Variants in PRELID2 observed in about 807,000 individuals in gnomAD.
PRELID2 encodes the protein PRELI domain containing 2, also known as PRELI domain-containing protein 2.
A neutral mutation model predicts 28.4 loss-of-function variants in PRELID2; 25 were observed. The ratio of observed to expected loss-of-function variants is 0.88; its 90% CI spans 0.64 to 1.23. PRELID2 has a LOEUF of 1.23. PRELID2 is among the 50% of genes most tolerant of loss of function. The pLI is 0.00. For synonymous variants in PRELID2, 76 were observed against 71.6 expected (o/e 1.06, Z -0.31); for missense variants, 201 against 214.4 (o/e 0.94, Z 0.39).
At chr5:145,740,477 A>T (rs1756640276) in intron 1 of PRELID2, among the ~76,000 whole-genome samples, 1 of 139,146 alleles carries the variant, frequency 7.2e-6, no homozygotes. Context: ...ACCAACTAGG[A>T]TATAGAAGAA....
At chr5:145,480,506 T>TA (rs1399420705) in intron 1 of PRELID2, among the ~76,000 whole-genome samples, 1 of 152,190 alleles carries the variant, frequency 6.6e-6, no homozygotes, top group Non-Finnish European at 1.5e-5. Context: ...GTAAATAAAA[T>TA]AATTAAATAT....
intron 1 of PRELID2, among the ~76,000 whole-genome samples, chr5:145,616,011 TG>T (rs1753693234): frequency 6.6e-6 from 1 of 152,212 alleles, no homozygotes. Flanking sequence ...TTATTTTCAC[TG>T]GATACAAAAT....
the PRELID2 span, among the ~76,000 whole-genome samples, chr5:145,399,485 C>A: frequency 3.8e-4 from 58 of 152,224 alleles, no homozygotes; most frequent in African/African-American, 1.3e-3. Context: ...GTCACTCCAT[C>A]CAGAATCTTC....
the PRELID2 span, among the ~76,000 whole-genome samples, chr5:145,436,303 A>T: frequency 2.0e-5 from 3 of 152,184 alleles, no homozygotes; most frequent in African/African-American, 7.2e-5. Context: ...CAATGTATAC[A>T]GGTATCACAT....
intron 1 of PRELID2, among the ~76,000 whole-genome samples, chr5:145,636,367 T>A (rs1208653268): frequency 1.3e-5 from 2 of 152,220 alleles, no homozygotes; most frequent in Non-Finnish European, 2.9e-5. Flanking sequence ...TGACAAGCAT[T>A]ATCCAAGCTT....
the PRELID2 span, among the ~76,000 whole-genome samples, chr5:145,260,258 TTAAAG>T: frequency 6.6e-6 from 1 of 152,112 alleles, no homozygotes; most frequent in African/African-American, 2.4e-5. Flanking sequence ...AGGTATTTCT[TTAAAG>T]TAATGTGAGA....
At chr5:145,762,019 G>A (rs1398140013) in intron 6 of PRELID2, among the ~76,000 whole-genome samples, 1 of 152,166 alleles carries the variant, frequency 6.6e-6, no homozygotes, top group African/African-American at 2.4e-5. Flanking sequence ...AGCATTCGAT[G>A]CAACATCAAA....
At chr5:145,415,881 C>G in the PRELID2 span, among the ~76,000 whole-genome samples, 101,100 of 151,112 alleles carry the variant, frequency 0.67, 34,344 homozygotes, top group Admixed American at 0.72. Context: ...GGTTGAACTA[C>G]TTTACGGTCC....
chr5:145,714,659 C>A (rs1755793791), intron 1 of PRELID2, among the ~76,000 whole-genome samples: 1 of 152,068 alleles, frequency 6.6e-6, no homozygotes, highest in Admixed American at 6.6e-5. Flanking sequence ...AATTCAAATC[C>A]AATTTTGTCT....
chr5:145,463,142 T>C, the PRELID2 span, among the ~76,000 whole-genome samples: 1 of 152,098 alleles, frequency 6.6e-6, no homozygotes, highest in African/African-American at 2.4e-5. Flanking sequence ...TGTATATTTT[T>C]CAAAATAAAC....
At chr5:145,659,242 G>A (rs1442771605) in intron 1 of PRELID2, among the ~76,000 whole-genome samples, 1 of 152,122 alleles carries the variant, frequency 6.6e-6, no homozygotes, top group Non-Finnish European at 1.5e-5. Flanking sequence ...CCAGGCACTG[G>A]GGCAGAATCA....
the PRELID2 span, among the ~76,000 whole-genome samples, chr5:145,269,187 G>A: frequency 4.6e-5 from 7 of 152,148 alleles, no homozygotes; most frequent in South Asian, 2.1e-4. Context: ...TAGAATTCAT[G>A]TGAAAATGCA....
chr5:145,350,088 T>C, the PRELID2 span, among the ~76,000 whole-genome samples: 465 of 152,314 alleles, frequency 3.1e-3, 1 homozygote, highest in African/African-American at 0.011. Context: ...GTATTTGTAA[T>C]GCTGGACAAA....
intron 1 of PRELID2, among the ~76,000 whole-genome samples, chr5:145,688,671 AT>A (rs773218310): frequency 1.3e-5 from 2 of 152,228 alleles, no homozygotes; most frequent in Non-Finnish European, 2.9e-5. Flanking sequence ...GAAACTGTAC[AT>A]TTAATGGCCT....
chr5:145,719,496 CGA>C (rs143655188), intron 1 of PRELID2, among the ~76,000 whole-genome samples: 254 of 143,816 alleles, frequency 1.8e-3, no homozygotes, highest in Non-Finnish European at 2.1e-3. Flanking sequence ...TTTCCCATTA[CGA>C]GAGAGAGAGA....
intron 1 of PRELID2, among the ~76,000 whole-genome samples, chr5:145,686,206 A>G (rs1755035915): frequency 6.6e-6 from 1 of 152,084 alleles, no homozygotes; most frequent in African/African-American, 2.4e-5. Flanking sequence ...GAATTGCCTC[A>G]CCCAAACCCT....
intron 1 of PRELID2, among the ~76,000 whole-genome samples, chr5:145,558,015 C>T (rs910720134): frequency 3.3e-5 from 5 of 152,122 alleles, no homozygotes; most frequent in Non-Finnish European, 7.4e-5. Flanking sequence ...CTAAATAGAT[C>T]AAGAAATGAA....
In PRELID2 at chr5:145,741,578, AATAATTTATATATAAAATTTATTT is replaced by A. The variant is rs1756754028; in HGVS notation, n.70+23329_70+23352del. Among the ~76,000 whole-genome samples the A allele has an allele frequency of 1.4e-4, 2 of 14,058 alleles. 1 individual carries two copies. Among genetic ancestry groups the A allele is most frequent in the Non-Finnish European group, 3.4e-4 (2 of 5,842 alleles). 9.2% of individuals were successfully genotyped at this position (14,058 alleles called of 152,430 possible). ...TATTTATATATAAAATTTATTTATA[AATAATTTATATATAAAATTTATTT>A]ATAATTTATTTATATATAAATAATT... On this transcript the variant is annotated intron_variant and non_coding_transcript_variant, in intron 1 of 2. Coordinates refer to the PRELID2 transcript ENST00000510259.
intron 1 of PRELID2, among the ~76,000 whole-genome samples, chr5:145,705,936 G>A (rs868464938): frequency 2.4e-4 from 27 of 111,232 alleles, no homozygotes; most frequent in Admixed American, 8.5e-4. Context: ...ACACATGTGC[G>A]CCTACACACA....
Sources: allele counts gnomAD v4.1 joint callset (sites outside exome capture counted in the v4.1 genomes callset), GRCh38; gene constraint gnomAD v4.1.1; transcripts MANE v1.5; gene names NCBI Gene and HGNC (gene_info 2026-07-23, HGNC 2026-07-21).